Variants in AK9 observed in about 807,000 individuals in gnomAD.
AK9 encodes the protein adenylate kinase 9.
In AK9, 191 loss-of-function variants were observed where a neutral mutation model predicts 239.6. The observed-to-expected ratio is 0.80, with a 90% CI of 0.71 to 0.90. The LOEUF (loss-of-function observed/expected upper bound fraction) is 0.90. AK9 is among the 40% of genes least tolerant of loss of function. AK9 has a pLI of 0.00. For synonymous variants in AK9, 689 were observed against 721.0 expected, an observed-to-expected ratio of 0.96 and a Z score of 0.71; for missense variants, 1,995 against 2,214.7, an observed-to-expected ratio of 0.90 and a Z score of 1.99.
intron 20 of AK9, among the ~76,000 whole-genome samples, chr6:109,577,789 T>G (rs1181865830): frequency 6.6e-6 from 1 of 152,090 alleles, no homozygotes; most frequent in Non-Finnish European, 1.5e-5. Flanking sequence ...ATAGTAGCCT[T>G]GAATGATCTT....
intron 2 of AK9, among the ~76,000 whole-genome samples, chr6:109,675,225 A>T (rs745711688): frequency 6.6e-6 from 1 of 152,206 alleles, no homozygotes; most frequent in Non-Finnish European, 1.5e-5. Context: ...ATTACACACT[A>T]CTAACAGTTG....
chr6:109,674,364 AAT>A, intron 2 of AK9, 103 bp from the exon 3 acceptor site: 1 of 733,426 alleles, frequency 1.4e-6, no homozygotes, highest in Non-Finnish European at 2.1e-6. Flanking sequence ...CTATTACATC[AAT>A]GTTATAATTT....
At chr6:109,494,245 T>C in intron 39 of AK9, 150 bp from the exon 40 acceptor site, 1 of 521,400 alleles carries the variant, frequency 1.9e-6, no homozygotes, top group Non-Finnish European at 3.5e-6. Flanking sequence ...AGATGACCAG[T>C]TAGCCAACAG....
chr6:109,560,500 T>G (rs1387018907), intron 24 of AK9, among the ~76,000 whole-genome samples: 1 of 152,220 alleles, frequency 6.6e-6, no homozygotes, highest in African/African-American at 2.4e-5. Context: ...TGTCAAATGC[T>G]TTTTCCATAT....
At chr6:109,542,345 C>A (rs1044626936) in intron 26 of AK9, among the ~76,000 whole-genome samples, 174 bp from the exon 27 acceptor site, 1 of 152,028 alleles carries the variant, frequency 6.6e-6, no homozygotes, top group Non-Finnish European at 1.5e-5. Flanking sequence ...TGAAGAGAGG[C>A]AGGATAATGG....
In AK9 at chr6:109,493,494, G is replaced by A. The variant is rs375480788; in HGVS notation, c.5611C>T (p.Leu1871Phe). ...KMEQFMESCE[L>F]ITYLGAKMTR... ...ATCTTGGCACCCAAGTATGTTATGA[G>A]TTCACAACTCTCCATAAACTGCTCC... The change falls in exon 41 of 41, where the codon CTC becomes TTC. Residue 1871 changes from leucine to phenylalanine, a missense_variant. Physicochemically the swap from Leu to Phe is conservative, Grantham distance 22. Coordinates refer to ENST00000424296, the MANE Select transcript of AK9 (RefSeq NM_001145128.3). 1 of 1,614,090 alleles carries A rather than the reference G, an allele frequency of 6.2e-7. No homozygotes were observed. Among genetic ancestry groups the A allele is most frequent in the African/African-American group, 1.3e-5 (1 of 75,044 alleles).
At chr6:109,675,780 G>A in intron 1 of AK9, 24 bp from the exon 2 acceptor site, 4 of 1,397,710 alleles carry the variant, frequency 2.9e-6, no homozygotes, top group Non-Finnish European at 3.9e-6. Context: ...GGGTAAGATT[G>A]TTAACTTGTC....
intron 17 of AK9, among the ~76,000 whole-genome samples, chr6:109,602,966 C>T (rs2128231053): frequency 6.6e-6 from 1 of 152,262 alleles, no homozygotes; most frequent in East Asian, 1.9e-4. Context: ...TCTAGTTAGC[C>T]ATTCGTCTAA....
intron 29 of AK9, among the ~76,000 whole-genome samples, chr6:109,524,945 G>C (rs1258652929): frequency 6.6e-6 from 1 of 152,106 alleles, no homozygotes; most frequent in Non-Finnish European, 1.5e-5. Flanking sequence ...AAAAAACGAA[G>C]CATAGAGTTA....
chr6:109,601,764 T>C (rs1280889648), intron 17 of AK9, among the ~76,000 whole-genome samples: 2 of 152,224 alleles, frequency 1.3e-5, no homozygotes, highest in East Asian at 1.9e-4. Context: ...TGGGTGCTCC[T>C]GTATTGGGTG....
intron 12 of AK9, among the ~76,000 whole-genome samples, chr6:109,629,303 A>G (rs904111336): frequency 6.6e-6 from 1 of 152,078 alleles, no homozygotes; most frequent in East Asian, 1.9e-4. Flanking sequence ...CAAATTCTAT[A>G]ATGTAACTAA....
intron 28 of AK9, among the ~76,000 whole-genome samples, chr6:109,529,439 T>C (rs1780951485): frequency 6.6e-6 from 1 of 152,174 alleles, no homozygotes; most frequent in Non-Finnish European, 1.5e-5. Flanking sequence ...CACTATTAAA[T>C]AGCCTACCAT....
At chr6:109,537,535 T>C (rs1782196033) in intron 27 of AK9, among the ~76,000 whole-genome samples, 1 of 138,956 alleles carries the variant, frequency 7.2e-6, no homozygotes, top group Non-Finnish European at 1.6e-5. Flanking sequence ...ATCAATTTTG[T>C]TGATCTTTTC....
Position 109,564,121 on chromosome 6 carries a change from G to A in AK9, c.2594C>T (p.Thr865Ile). Residue 865 changes from threonine to isoleucine, a missense_variant, in exon 23 of 41, where the codon ACT becomes ATT. Coordinates refer to ENST00000424296, the MANE Select transcript of AK9 (RefSeq NM_001145128.3). ...TACTTTTTGAAGTAATTCCTGTGGA[G>A]TTCTGTCAGCAATCTCCAAGTTTAA... ...KILNLEIADR[T>I]PQELLQKVVE... 2 of 1,551,368 alleles carry A rather than the reference G, an allele frequency of 1.3e-6. No homozygotes were observed. Among genetic ancestry groups the A allele is most frequent in the Non-Finnish European group, 1.7e-6 (2 of 1,146,862 alleles).
intron 10 of AK9, among the ~76,000 whole-genome samples, chr6:109,634,793 A>G (rs969542889): frequency 1.3e-5 from 2 of 152,214 alleles, no homozygotes; most frequent in Non-Finnish European, 2.9e-5. Context: ...AACCATGCCC[A>G]GTTAGGTCAG....
At chr6:109,518,815 A>G (rs537779487) in intron 29 of AK9, among the ~76,000 whole-genome samples, 2 of 152,134 alleles carry the variant, frequency 1.3e-5, no homozygotes, top group African/African-American at 4.8e-5. Context: ...AATTAAAAAA[A>G]ATTTCAGCTT....
Position 109,493,474 on chromosome 6 carries a change from G to C in AK9, c.5631C>G (p.Ala1877=), listed in dbSNP as rs370124882. Residue 1877 remains alanine, a synonymous_variant, in exon 41 of 41, where the codon GCC becomes GCG. Transcript: ENST00000424296. ...ESCELITYLG[A]KMTRKYKEPQ... ...GTTCCTTGTATTTTCTGGTCATCTTGGCACCCAAGTATGTTATGAGTTCAC... is the reference window on the plus strand; with the variant it reads ...GTTCCTTGTATTTTCTGGTCATCTTCGCACCCAAGTATGTTATGAGTTCAC... The C allele has an allele frequency of 6.3e-5, 101 of 1,614,026 alleles. 3 individuals are homozygous for C. In the South Asian group the frequency reaches 1.1e-3, roughly 17 times the overall value.
chr6:109,630,549 T>C lies in AK9; in HGVS notation c.1254+2374A>G, dbSNP rs1471031479. 3.3e-5 allele frequency among the ~76,000 whole-genome samples: 5 copies of C among 152,076 alleles called. 1 individual carries two copies. The highest frequency in any genetic ancestry group is 5.9e-5 in the Non-Finnish European group (4 of 68,000). ...GCAAAATACTAATAGAATGATGAAA[T>C]AGATCAGTGAGGCTCGGTATGGTGG... On this transcript the variant is annotated intron_variant, in intron 12 of 40. Transcript: ENST00000424296.
chr6:109,519,036 C>A (rs1204582177), intron 29 of AK9, among the ~76,000 whole-genome samples: 1 of 152,104 alleles, frequency 6.6e-6, no homozygotes, highest in African/African-American at 2.4e-5. Flanking sequence ...GTGTTTAGCT[C>A]CTACTTATAA....
Sources: gnomAD v4.1 joint callset for allele counts (sites outside exome capture counted in the v4.1 genomes callset) on GRCh38, gnomAD v4.1.1 for gene constraint, MANE v1.5 for transcripts, NCBI Gene and HGNC (gene_info 2026-07-23, HGNC 2026-07-21) for gene names.